Variants in NOL4 observed in about 807,000 individuals in gnomAD.
NOL4 encodes nucleolar protein 4.
NOL4 carries 17 observed loss-of-function variants against 75.9 expected under a neutral mutation model. That is an observed-to-expected ratio of 0.22 (90% CI 0.15 to 0.34). NOL4 has a LOEUF of 0.34. Among genes scored for constraint, NOL4 ranks in the 10% least tolerant of loss-of-function variants. NOL4 has a pLI of 1.00. For synonymous variants in NOL4, 292 were observed against 289.9 expected, an observed-to-expected ratio of 1.01 and a Z score of -0.07; for missense variants, 614 against 793.5, an observed-to-expected ratio of 0.77 and a Z score of 2.72.
chr18:34,056,123 G>T (rs115203535), intron 5 of NOL4, among the ~76,000 whole-genome samples: 1,968 of 152,096 alleles, frequency 0.013, 42 homozygotes, highest in African/African-American at 0.044. Flanking sequence ...TCAGTGATTT[G>T]CCTTTCTTTA....
chr18:33,959,233 TGATA>T lies in NOL4; in HGVS notation c.1057-819_1057-816del, dbSNP rs572275588. 4.1e-3 allele frequency among the ~76,000 whole-genome samples: 617 copies of T among 152,282 alleles called. 3 individuals carry two copies. The highest frequency in any genetic ancestry group is 0.014 in the African/African-American group (593 of 41,590). On this transcript the variant is annotated intron_variant, in intron 6 of 10. Coordinates refer to ENST00000261592, the MANE Select transcript of NOL4 (RefSeq NM_003787.5). Reference sequence around the variant, plus strand: ...ACAGTTCATTTTCACATGAAACAGCTGATAGATAGCCTTCGTAGAGCCTCCGTTG... The same window carrying T: ...ACAGTTCATTTTCACATGAAACAGCTGATAGCCTTCGTAGAGCCTCCGTTG...
Position 33,883,218 on chromosome 18 carries a change from A to T in NOL4, c.1723+26T>A, listed in dbSNP as rs2064416196. ...ACTTAAAGTATAATAATTAAAAAAAAAACACAATCTATGATAAATACTCAC... is the reference window on the plus strand; with the variant it reads ...ACTTAAAGTATAATAATTAAAAAAATAACACAATCTATGATAAATACTCAC... On this transcript the variant is annotated intron_variant, in intron 10 of 10. Coordinates refer to ENST00000261592, the MANE Select transcript of NOL4 (RefSeq NM_003787.5). 4 of 1,537,026 alleles carry T rather than the reference A, an allele frequency of 2.6e-6. No individual in the cohort carries two copies. The East Asian group carries it at 9.0e-5, about 35-fold the overall frequency.
At chr18:34,078,296 G>A (rs1006373288) in intron 5 of NOL4, among the ~76,000 whole-genome samples, 9 of 152,152 alleles carry the variant, frequency 5.9e-5, no homozygotes, top group African/African-American at 2.2e-4. Flanking sequence ...CATAAATTGT[G>A]TCTGAAGTGA....
At chr18:34,175,116 G>A (rs139964240) in intron 1 of NOL4, among the ~76,000 whole-genome samples, 10 of 152,092 alleles carry the variant, frequency 6.6e-5, no homozygotes, top group East Asian at 1.9e-4. Context: ...TGTTTATTGC[G>A]GCACTATTCA....
At chr18:34,081,987 A>G (rs1445807614) in intron 5 of NOL4, among the ~76,000 whole-genome samples, 1 of 152,224 alleles carries the variant, frequency 6.6e-6, no homozygotes, top group East Asian at 1.9e-4. Flanking sequence ...CTTTATAACA[A>G]TGCAGAAACA....
chr18:34,029,002 T>C (rs1197954044), intron 5 of NOL4, among the ~76,000 whole-genome samples: 2 of 152,168 alleles, frequency 1.3e-5, no homozygotes, highest in Non-Finnish European at 2.9e-5. Context: ...TCCATCCTTC[T>C]ATTGAGCAAT....
chr18:33,905,038 C>T (rs1271741935), intron 9 of NOL4, among the ~76,000 whole-genome samples: 1 of 152,130 alleles, frequency 6.6e-6, no homozygotes, highest in Non-Finnish European at 1.5e-5. Context: ...AGTTGCCCTG[C>T]CATAGATTAG....
chr18:34,047,715 C>G (rs2076445619), intron 5 of NOL4, among the ~76,000 whole-genome samples: 2 of 151,972 alleles, frequency 1.3e-5, no homozygotes. Flanking sequence ...AAATCATATG[C>G]TTCATAAGAA....
intron 6 of NOL4, among the ~76,000 whole-genome samples, chr18:33,968,782 T>A (rs935017213): frequency 5.3e-5 from 8 of 152,064 alleles, no homozygotes; most frequent in East Asian, 1.9e-4. Context: ...TCTAATTTTT[T>A]AAAAAAATCT....
At chr18:33,930,048 G>A (rs1438559897) in intron 9 of NOL4, among the ~76,000 whole-genome samples, 1 of 152,018 alleles carries the variant, frequency 6.6e-6, no homozygotes, top group East Asian at 1.9e-4. Context: ...ATTCTTTCAT[G>A]TACAGCAAGT....
intron 6 of NOL4, among the ~76,000 whole-genome samples, chr18:34,004,068 C>G (rs1218438237): frequency 6.6e-6 from 1 of 152,054 alleles, no homozygotes; most frequent in Non-Finnish European, 1.5e-5. Flanking sequence ...AATCCCTTAT[C>G]TTAACTCAGA....
chr18:34,032,532 A>G lies in NOL4; in HGVS notation c.773-12931T>C, dbSNP rs1368672442. Among the ~76,000 whole-genome samples, 6 of 152,250 alleles carry G rather than the reference A, an allele frequency of 3.9e-5. No homozygotes were observed. In the East Asian group the frequency reaches 1.2e-3, roughly 29 times the overall value. On this transcript the variant is annotated intron_variant, in intron 5 of 10. Transcript: ENST00000261592. ...TGGGACTACCCACCCAGCTACCACC[A>G]CAGCTGGCATCTATCTGCACATAGC...
intron 6 of NOL4, among the ~76,000 whole-genome samples, chr18:34,007,346 CA>C (rs879674728): frequency 2.0e-5 from 3 of 151,948 alleles, no homozygotes; most frequent in Non-Finnish European, 2.9e-5. Context: ...TAACCCAATC[CA>C]AACAAGGCTA....
At chr18:34,098,352 A>G (rs1401023342) in intron 4 of NOL4, among the ~76,000 whole-genome samples, 3 of 152,166 alleles carry the variant, frequency 2.0e-5, no homozygotes, top group Non-Finnish European at 4.4e-5. Flanking sequence ...AGACCAGCAC[A>G]CTGTGAGGAA....
chr18:33,910,023 C>CGTGTACATATGTGT (rs2066300329), intron 9 of NOL4, among the ~76,000 whole-genome samples: 1 of 152,098 alleles, frequency 6.6e-6, no homozygotes, highest in Admixed American at 6.5e-5. Context: ...TGCATGTGTG[C>CGTGTACATATGTGT]GTGTACATAT....
intron 6 of NOL4, among the ~76,000 whole-genome samples, chr18:34,012,457 C>T (rs1037756980): frequency 6.6e-6 from 1 of 151,638 alleles, no homozygotes; most frequent in African/African-American, 2.4e-5. Flanking sequence ...ATGAGCAGAA[C>T]TGAAGAATAT....
At chr18:33,987,842 G>A (rs1055132965) in intron 6 of NOL4, among the ~76,000 whole-genome samples, 1 of 152,014 alleles carries the variant, frequency 6.6e-6, no homozygotes, top group East Asian at 1.9e-4. Context: ...AGGCTGAATT[G>A]AGGAGACTTG....
chr18:34,064,494 A>G (rs2077187104), intron 5 of NOL4, among the ~76,000 whole-genome samples: 1 of 151,444 alleles, frequency 6.6e-6, no homozygotes, highest in South Asian at 2.1e-4. Flanking sequence ...GAAATTGCAG[A>G]ATCTACATCT....
intron 6 of NOL4, among the ~76,000 whole-genome samples, chr18:34,004,111 A>G (rs1363893099): frequency 6.6e-6 from 1 of 152,084 alleles, no homozygotes; most frequent in African/African-American, 2.4e-5. Context: ...GTCTTTAGAT[A>G]ACTCTTTCAA....
Sources: gnomAD v4.1 joint callset for allele counts (sites outside exome capture counted in the v4.1 genomes callset) on GRCh38, gnomAD v4.1.1 for gene constraint, MANE v1.5 for transcripts, NCBI Gene and HGNC (gene_info 2026-07-23, HGNC 2026-07-21) for gene names.